PAPPA2: variants seen among roughly 807,000 people sequenced by gnomAD.
PAPPA2 encodes pappalysin 2.
PAPPA2 carries 86 observed loss-of-function variants against 176.4 expected under a neutral mutation model. The observed-to-expected ratio is 0.49, with a 90% CI of 0.41 to 0.58. The LOEUF (loss-of-function observed/expected upper bound fraction) is 0.58. PAPPA2 is among the 20% of genes least tolerant of loss of function. PAPPA2 has a pLI of 0.00. For missense variants in PAPPA2, 2,073 were observed against 2,256.9 expected (o/e 0.92, Z 1.65); for synonymous variants, 809 against 852.2 (o/e 0.95, Z 0.88).
chr1:176,510,729 A>C lies in PAPPA2; in HGVS notation c.-916-44678A>C, dbSNP rs187942608. 7.1e-4 allele frequency among the ~76,000 whole-genome samples: 108 copies of C among 151,994 alleles called. No individual in the cohort carries two copies. In the Middle Eastern group the frequency reaches 0.01, roughly 14 times the overall value. ...AGAATGGGAAGGAGAAAATGGAAGA[A>C]TATCACTGTAAGTAATATAATAGCA... On this transcript the variant is annotated intron_variant, in intron 1 of 22. Coordinates refer to ENST00000367662, the MANE Select transcript of PAPPA2 (RefSeq NM_020318.3).
At chr1:176,567,495 T>C (rs1488170938) in intron 2 of PAPPA2, among the ~76,000 whole-genome samples, 1 of 152,222 alleles carries the variant, frequency 6.6e-6, no homozygotes, top group Non-Finnish European at 1.5e-5. Flanking sequence ...TTCCTACAAA[T>C]AATTGCTCTA....
chr1:176,530,987 T>A (rs775936043), intron 1 of PAPPA2, among the ~76,000 whole-genome samples: 175 of 152,230 alleles, frequency 1.1e-3, no homozygotes, highest in Non-Finnish European at 2.2e-3. Context: ...CATGAAAGTC[T>A]CATTAAGCAC....
intron 3 of PAPPA2, among the ~76,000 whole-genome samples, chr1:176,631,974 A>AC (rs1381533298): frequency 2.0e-5 from 3 of 152,030 alleles, no homozygotes; most frequent in African/African-American, 4.8e-5. Flanking sequence ...AGGAGAAAGG[A>AC]TAGAGGATGA....
In PAPPA2 at chr1:176,643,181, G is replaced by C. The variant is rs192894790; in HGVS notation, c.1992-27789G>C. Among the ~76,000 whole-genome samples the C allele has an allele frequency of 3.2e-4, 48 of 151,996 alleles. 1 individual carries two copies. In the Middle Eastern group the frequency reaches 0.01, roughly 32 times the overall value. ...GAGTTAATTATTACTTTATGCTACA[G>C]ATGAGAAAATTGAGGTGCAAAGGGG... On this transcript the variant is annotated intron_variant, in intron 3 of 22. Coordinates refer to ENST00000367662, the MANE Select transcript of PAPPA2 (RefSeq NM_020318.3).
intron 1 of PAPPA2, among the ~76,000 whole-genome samples, chr1:176,465,480 T>G (rs1433139962): frequency 1.3e-5 from 2 of 152,280 alleles, no homozygotes; most frequent in Admixed American, 1.3e-4. Context: ...TTAGACGCAT[T>G]TTTTCCTATA....
At chr1:176,734,445 C>T (rs74127231) in intron 12 of PAPPA2, among the ~76,000 whole-genome samples, 1,604 of 151,668 alleles carry the variant, frequency 0.011, 25 homozygotes, top group African/African-American at 0.035. Flanking sequence ...GTGTTTGTAG[C>T]CTTTCTTATA....
chr1:176,563,055 A>G (rs1651763575), intron 2 of PAPPA2, among the ~76,000 whole-genome samples: 1 of 152,184 alleles, frequency 6.6e-6, no homozygotes, highest in Non-Finnish European at 1.5e-5. Context: ...TAATTCCTCC[A>G]GAGGCAAATG....
At chr1:176,768,749 G>C (rs115578652) in intron 15 of PAPPA2, among the ~76,000 whole-genome samples, 196 of 152,282 alleles carry the variant, frequency 1.3e-3, no homozygotes, top group African/African-American at 4.5e-3. Flanking sequence ...GTAGCAGTGT[G>C]CTGTAGGGCT....
Position 176,765,853 on chromosome 1 carries a change from A to T in PAPPA2, c.4323+16A>T. The T allele has an allele frequency of 6.2e-6, 10 of 1,611,734 alleles. No homozygotes were observed. The highest frequency in any genetic ancestry group is 8.5e-6 in the Non-Finnish European group (10 of 1,178,982). On this transcript the variant is annotated intron_variant, in intron 15 of 22. Coordinates refer to ENST00000367662, the MANE Select transcript of PAPPA2 (RefSeq NM_020318.3). ...GCCCATGCAGGTGAGTTGAAAGAACACTATCACCAGGACCAAGTTCCTGGG... is the reference window on the plus strand; with the variant it reads ...GCCCATGCAGGTGAGTTGAAAGAACTCTATCACCAGGACCAAGTTCCTGGG...
chr1:176,734,480 C>T (rs1249580032), intron 12 of PAPPA2, among the ~76,000 whole-genome samples: 2 of 151,842 alleles, frequency 1.3e-5, no homozygotes, highest in Non-Finnish European at 2.9e-5. Flanking sequence ...CTCAGGAAAT[C>T]AGCTGGGTTT....
intron 12 of PAPPA2, among the ~76,000 whole-genome samples, chr1:176,718,473 A>C (rs1447054242): frequency 6.6e-6 from 1 of 151,574 alleles, no homozygotes; most frequent in Non-Finnish European, 1.5e-5. Flanking sequence ...GAGGTGATGC[A>C]TAGGTAATTG....
intron 12 of PAPPA2, among the ~76,000 whole-genome samples, chr1:176,722,371 C>A (rs1251464783): frequency 2.8e-5 from 4 of 144,224 alleles, no homozygotes; most frequent in African/African-American, 1.0e-4. Context: ...CACTTTAATT[C>A]AATAAGTAAT....
chr1:176,548,428 C>T (rs1452220933), intron 1 of PAPPA2, among the ~76,000 whole-genome samples: 1 of 152,122 alleles, frequency 6.6e-6, no homozygotes, highest in Non-Finnish European at 1.5e-5. Context: ...TTCTTGGAGA[C>T]ATTGGACCCT....
At chr1:176,570,842 C>T (rs1161140007) in intron 2 of PAPPA2, among the ~76,000 whole-genome samples, 1 of 152,086 alleles carries the variant, frequency 6.6e-6, no homozygotes, top group Non-Finnish European at 1.5e-5. Context: ...CTGCCAAAAG[C>T]CAAGCACATT....
chr1:176,536,573 T>C (rs563670718), intron 1 of PAPPA2, among the ~76,000 whole-genome samples: 1 of 152,294 alleles, frequency 6.6e-6, no homozygotes, highest in Non-Finnish European at 1.5e-5. Context: ...TGTGTGGGCA[T>C]TGGCTAGATC....
At chr1:176,742,054 G>C (rs1025749351) in intron 14 of PAPPA2, among the ~76,000 whole-genome samples, 1 of 152,050 alleles carries the variant, frequency 6.6e-6, no homozygotes, top group African/African-American at 2.4e-5. Flanking sequence ...TTTGGCAAAC[G>C]GATTCCTCCC....
At chr1:176,620,276 AT>A (rs199660598) in intron 3 of PAPPA2, among the ~76,000 whole-genome samples, 3 of 150,584 alleles carry the variant, frequency 2.0e-5, no homozygotes, top group East Asian at 1.9e-4. Flanking sequence ...CAATATATAC[AT>A]TTTTTTTTCG....
intron 1 of PAPPA2, among the ~76,000 whole-genome samples, chr1:176,525,524 G>A (rs146993648): frequency 1.9e-3 from 284 of 152,046 alleles, no homozygotes; most frequent in African/African-American, 6.5e-3. Flanking sequence ...GAAAAATGCC[G>A]GTATGACTAC....
chr1:176,632,229 ATG>A (rs56939950), intron 3 of PAPPA2, among the ~76,000 whole-genome samples: 22,311 of 144,892 alleles, frequency 0.15, 1,616 homozygotes, highest in Middle Eastern at 0.23. Context: ...ATTAGTAGTG[ATG>A]TGTGTGTGTG....
Sources: gnomAD v4.1 joint callset for allele counts (sites outside exome capture counted in the v4.1 genomes callset) on GRCh38, gnomAD v4.1.1 for gene constraint, MANE v1.5 for transcripts, NCBI Gene and HGNC (gene_info 2026-07-23, HGNC 2026-07-21) for gene names.